NBEA: variants seen among roughly 807,000 people sequenced by gnomAD.
The protein encoded by NBEA is neurobeachin.
NBEA carries 44 observed loss-of-function variants against 343.4 expected under a neutral mutation model. The ratio of observed to expected loss-of-function variants is 0.13; its 90% CI spans 0.10 to 0.16. The LOEUF is 0.16. Among genes scored for constraint, NBEA ranks in the 10% least tolerant of loss-of-function variants. The probability of loss-of-function intolerance (pLI) is 1.00; values close to 1 mark genes in which losing one functional copy is unlikely to be tolerated. For synonymous variants in NBEA, 1,175 were observed against 1,238.7 expected (o/e 0.95, Z 1.08); for missense variants, 2,555 against 3,631.3 (o/e 0.70, Z 7.62).
At position 35,173,418 on chromosome 13, in the gene NBEA, A is replaced by C. The variant is rs753918672; in HGVS notation, c.4424-46A>C. 40 of 1,477,308 alleles carry C rather than the reference A, an allele frequency of 2.7e-5. 1 individual carries two copies. The East Asian group carries it at 6.6e-4, about 24-fold the overall frequency. The allele number at this position is 1,477,308 out of a possible 1,614,324, so 91.5% of individuals were successfully genotyped here. A position where few individuals can be genotyped will look rare whatever the true frequency, so the allele number is the denominator to read the frequency against. Reference sequence around the variant, plus strand: ...ACTTGCAACTTTTTCCAGGATATCAAAGTCAACAATTTATATTAACAATAT... The same window carrying C: ...ACTTGCAACTTTTTCCAGGATATCACAGTCAACAATTTATATTAACAATAT... On this transcript the variant is annotated intron_variant, in intron 26 of 58. Transcript: ENST00000379939.
intron 34 of NBEA, among the ~76,000 whole-genome samples, chr13:35,279,292 CATTA>C (rs2034880471): frequency 6.6e-6 from 1 of 152,094 alleles, no homozygotes; most frequent in South Asian, 2.1e-4. Flanking sequence ...GATTTTAAAT[CATTA>C]ATCTTTACTA....
chr13:35,050,485 G>T, intron 6 of NBEA, 90 bp downstream of exon 6: 4 of 1,292,564 alleles, frequency 3.1e-6, no homozygotes, highest in Admixed American at 2.8e-5. Context: ...CTCTTTCACG[G>T]GTTTTCCTAT....
intron 10 of NBEA, among the ~76,000 whole-genome samples, chr13:35,085,479 A>C (rs2064700191): frequency 6.6e-6 from 1 of 152,190 alleles, no homozygotes; most frequent in African/African-American, 2.4e-5. Context: ...CCAATGACAA[A>C]AACCGCATGA....
At chr13:35,227,177 C>T (rs566414737) in intron 33 of NBEA, among the ~76,000 whole-genome samples, 1 of 151,666 alleles carries the variant, frequency 6.6e-6, no homozygotes, top group African/African-American at 2.4e-5. Flanking sequence ...GTAGCGGCCA[C>T]AACCTTAGAA....
intron 34 of NBEA, among the ~76,000 whole-genome samples, chr13:35,283,517 C>T (rs1328337933): frequency 1.3e-5 from 2 of 152,080 alleles, no homozygotes; most frequent in Non-Finnish European, 2.9e-5. Flanking sequence ...ATATTAATTT[C>T]TTTATCAATC....
intron 38 of NBEA, among the ~76,000 whole-genome samples, chr13:35,416,666 A>G (rs1355414416): frequency 6.6e-6 from 1 of 152,168 alleles, no homozygotes; most frequent in African/African-American, 2.4e-5. Context: ...TTTTGCATCA[A>G]TGTTCATCAA....
intron 52 of NBEA, 48 bp downstream of exon 52, chr13:35,649,895 C>T: frequency 6.6e-7 from 1 of 1,516,350 alleles, no homozygotes; most frequent in Non-Finnish European, 8.8e-7. Flanking sequence ...TTAAAAGCTA[C>T]AATTAAAGTA....
intron 34 of NBEA, among the ~76,000 whole-genome samples, chr13:35,238,075 A>C (rs1009037804): frequency 4.6e-5 from 7 of 152,222 alleles, no homozygotes; most frequent in Non-Finnish European, 1.0e-4. Context: ...TAAGAAAATT[A>C]TGGGTTTTCA....
intron 2 of NBEA, among the ~76,000 whole-genome samples, chr13:35,042,765 GA>G (rs2062701825): frequency 6.6e-6 from 1 of 151,686 alleles, no homozygotes; most frequent in African/African-American, 2.4e-5. Flanking sequence ...TGAGAAAAGA[GA>G]ATAAATGTCA....
At chr13:34,979,655 A>C (rs763947005) in intron 1 of NBEA, among the ~76,000 whole-genome samples, 110 of 152,280 alleles carry the variant, frequency 7.2e-4, no homozygotes, top group Non-Finnish European at 1.2e-3. Context: ...GTTTTTTGGA[A>C]ATTTTTTAAA....
At chr13:35,620,690 G>A (rs542046907) in intron 48 of NBEA, among the ~76,000 whole-genome samples, 29 of 152,302 alleles carry the variant, frequency 1.9e-4, no homozygotes, top group African/African-American at 6.0e-4. Context: ...TTCTGCAAGG[G>A]TAGAATCAGG....
At chr13:35,650,789 G>T (rs2084479992) in intron 52 of NBEA, among the ~76,000 whole-genome samples, 1 of 152,132 alleles carries the variant, frequency 6.6e-6, no homozygotes, top group Admixed American at 6.5e-5. Context: ...GATTTAGTTG[G>T]CCCAGTTTAC....
At chr13:35,478,388 T>C (rs1017666971) in intron 41 of NBEA, among the ~76,000 whole-genome samples, 6 of 152,144 alleles carry the variant, frequency 3.9e-5, no homozygotes, top group African/African-American at 1.2e-4. Flanking sequence ...CACTACCTTT[T>C]GGCAGTTGGA....
At chr13:35,083,997 A>G (rs1054501096) in intron 10 of NBEA, among the ~76,000 whole-genome samples, 2 of 152,176 alleles carry the variant, frequency 1.3e-5, no homozygotes, top group South Asian at 2.1e-4. Context: ...ACATAATGGT[A>G]AAGGGATCAA....
chr13:35,648,966 C>T (rs966702242), intron 51 of NBEA, among the ~76,000 whole-genome samples: 3 of 151,900 alleles, frequency 2.0e-5, no homozygotes, highest in African/African-American at 7.3e-5. Flanking sequence ...CCATGGCACA[C>T]GTTTACCTAT....
At chr13:35,080,955 T>A (rs1240504247) in intron 10 of NBEA, among the ~76,000 whole-genome samples, 1 of 152,062 alleles carries the variant, frequency 6.6e-6, no homozygotes, top group Admixed American at 6.6e-5. Context: ...TTAATGAGGA[T>A]CCAATGTCAG....
chr13:35,450,548 C>G (rs1021140898), intron 39 of NBEA, among the ~76,000 whole-genome samples: 5 of 152,118 alleles, frequency 3.3e-5, no homozygotes, highest in African/African-American at 1.2e-4. Flanking sequence ...GTTGGAAGTT[C>G]TATGGTCTGG....
chr13:35,152,247 A>C (rs1485949257), intron 18 of NBEA, among the ~76,000 whole-genome samples: 1 of 152,224 alleles, frequency 6.6e-6, no homozygotes, highest in Non-Finnish European at 1.5e-5. Context: ...GAGTGCAATC[A>C]TTTTACGAGT....
intron 31 of NBEA, among the ~76,000 whole-genome samples, chr13:35,208,058 A>G (rs2073514062): frequency 6.6e-6 from 1 of 152,076 alleles, no homozygotes; most frequent in African/African-American, 2.4e-5. Context: ...CGTCTCTACT[A>G]AAAATACAAA....
Sources: gnomAD v4.1 joint callset for allele counts (sites outside exome capture counted in the v4.1 genomes callset) on GRCh38, gnomAD v4.1.1 for gene constraint, MANE v1.5 for transcripts, NCBI Gene and HGNC (gene_info 2026-07-23, HGNC 2026-07-21) for gene names.